Variants in WNK1 observed in about 807,000 individuals in gnomAD.
The protein encoded by WNK1 is serine/threonine-protein kinase WNK1.
Under a neutral mutation model 222.8 loss-of-function variants are expected in WNK1, and 38 were observed. The observed-to-expected ratio is 0.17, with a 90% CI of 0.13 to 0.22. The LOEUF is 0.22. WNK1 is among the 10% of genes least tolerant of loss of function. The pLI, the probability that WNK1 is intolerant of heterozygous loss-of-function variation, is 1.00. For missense variants in WNK1, 2,348 were observed against 2,918.4 expected, an observed-to-expected ratio of 0.80 and a Z score of 4.50; for synonymous variants, 1,090 against 1,092.9, an observed-to-expected ratio of 1.00 and a Z score of 0.05.
At chr12:894,382 A>G (rs1475905131) in intron 22 of WNK1, among the ~76,000 whole-genome samples, 180 bp from the exon 23 acceptor site, 1 of 152,210 alleles carries the variant, frequency 6.6e-6, no homozygotes, top group Non-Finnish European at 1.5e-5. Context: ...TAGTAGAGCA[A>G]ACAATAACTC....
chr12:820,228 T>A (rs1393832067), intron 2 of WNK1, among the ~76,000 whole-genome samples: 5 of 152,206 alleles, frequency 3.3e-5, no homozygotes, highest in African/African-American at 7.2e-5. Context: ...ATGTCTTTTT[T>A]AATTTCTTTC....
chr12:908,861 G>GGGGGGGGGGGGCCA lies in WNK1; in HGVS notation c.*69_*70insGGGGGGGGGGGCCA. ...ATGCTGAGGGGGTGGGTGGGGGTGG[G>GGGGGGGGGGGGCCA]AAGTAGCCTATATACTAACTACTAG... On this transcript the variant is annotated 3_prime_UTR_variant, in exon 28 of 28. Coordinates refer to ENST00000315939, the MANE Select transcript of WNK1 (RefSeq NM_018979.4). 1.4e-5 allele frequency: 7 copies of GGGGGGGGGGGGCCA among 491,840 alleles called. No homozygotes were observed. The highest frequency in any genetic ancestry group is 3.8e-4 in the Middle Eastern group (1 of 2,646). The allele number at this position is 491,840 out of a possible 1,614,324, so 30.5% of individuals were successfully genotyped here. A position where few individuals can be genotyped will look rare whatever the true frequency, so the allele number is the denominator to read the frequency against.
chr12:803,477 A>G (rs1318008265), intron 1 of WNK1, among the ~76,000 whole-genome samples: 1 of 152,238 alleles, frequency 6.6e-6, no homozygotes, highest in Non-Finnish European at 1.5e-5. Flanking sequence ...TATTTCATAG[A>G]AAATAATCTA....
chr12:887,635 C>G (rs1461852120), intron 20 of WNK1, among the ~76,000 whole-genome samples: 1 of 151,998 alleles, frequency 6.6e-6, no homozygotes, highest in Non-Finnish European at 1.5e-5. Context: ...AGCGAAATTG[C>G]GTATATAATC....
chr12:810,219 C>T (rs1019332537), intron 1 of WNK1, among the ~76,000 whole-genome samples: 2 of 151,708 alleles, frequency 1.3e-5, no homozygotes, highest in African/African-American at 4.8e-5. Context: ...TGCACTCCAG[C>T]CTGTGCGACA....
intron 1 of WNK1, among the ~76,000 whole-genome samples, chr12:797,743 C>T (rs779653500): frequency 1.9e-4 from 29 of 151,832 alleles, no homozygotes; most frequent in Non-Finnish European, 4.0e-4. Context: ...GTCAAGAGTT[C>T]GAGACGAGCC....
chr12:816,576 C>A (rs143610948), intron 2 of WNK1, among the ~76,000 whole-genome samples: 2 of 152,102 alleles, frequency 1.3e-5, no homozygotes, highest in African/African-American at 4.8e-5. Flanking sequence ...GCATGAGCCA[C>A]GGTGCCCAGC....
At chr12:815,589 A>G (rs920878602) in intron 2 of WNK1, among the ~76,000 whole-genome samples, 5 of 152,218 alleles carry the variant, frequency 3.3e-5, no homozygotes, top group Admixed American at 3.3e-4. Context: ...TATACCTAGT[A>G]CTATGAACAA....
At chr12:859,646 T>TTA (rs1565531974) in intron 6 of WNK1, among the ~76,000 whole-genome samples, 182 bp downstream of exon 6, 26 of 143,806 alleles carry the variant, frequency 1.8e-4, no homozygotes, top group Admixed American at 1.4e-4. Context: ...TTTTTTTTTT[T>TTA]AAACTTCTTT....
At chr12:821,334 G>A (rs755518590) in intron 2 of WNK1, among the ~76,000 whole-genome samples, 1 of 152,022 alleles carries the variant, frequency 6.6e-6, no homozygotes, top group African/African-American at 2.4e-5. Context: ...GGCAATACTG[G>A]CCTCACAGAA....
chr12:779,557 G>A (rs1318523221), intron 1 of WNK1, among the ~76,000 whole-genome samples: 4 of 151,686 alleles, frequency 2.6e-5, no homozygotes, highest in African/African-American at 7.3e-5. Context: ...GGTGCGCGCC[G>A]CACCTGGCTA....
intron 23 of WNK1, 77 bp from the exon 24 acceptor site, chr12:895,994 T>C: frequency 6.3e-7 from 1 of 1,590,098 alleles, no homozygotes; most frequent in Non-Finnish European, 8.6e-7. Flanking sequence ...TGATTCTTTT[T>C]TTCCTTTTTT....
intron 1 of WNK1, among the ~76,000 whole-genome samples, chr12:799,036 C>T (rs1167799915): frequency 6.6e-5 from 10 of 152,018 alleles, no homozygotes; most frequent in African/African-American, 2.4e-4. Flanking sequence ...TGTTGGAATT[C>T]TTGTAACAAC....
rs11064574 is a variant in WNK1 at position 859,569 on chromosome 12, T to C, written c.1620+105T>C. On this transcript the variant is annotated intron_variant, in intron 6 of 27. Transcript: ENST00000315939. ...GAAGTGCCGTGTGTGGCATATCCCA[T>C]TGACATAAAATTGTGATGGCCCTAA... 9.5e-4 allele frequency: 808 copies of C among 848,736 alleles called. 6 individuals carry two copies. In the African/African-American group the frequency reaches 0.012, roughly 13 times the overall value. The allele number at this position is 848,736 out of a possible 1,614,324, so 52.6% of individuals were successfully genotyped here. A position where few individuals can be genotyped will look rare whatever the true frequency, so the allele number is the denominator to read the frequency against.
At chr12:890,693 G>A (rs1163304082) in intron 22 of WNK1, among the ~76,000 whole-genome samples, 180 bp downstream of exon 22, 2 of 152,216 alleles carry the variant, frequency 1.3e-5, no homozygotes, top group Non-Finnish European at 2.9e-5. Context: ...TTATTTGTCA[G>A]AGGAAAGGTT....
chr12:897,604 G>A lies in WNK1; in HGVS notation c.6371G>A (p.Arg2124Lys). 6.2e-7 allele frequency: 1 copy of A among 1,614,174 alleles called. No homozygotes were observed. The highest frequency in any genetic ancestry group is 1.3e-5 in the African/African-American group (1 of 75,034). The change falls in exon 25 of 28, where the codon AGA (arginine) becomes AAA (lysine). Residue 2124 changes from arginine (R) to lysine (K), a missense_variant. By Grantham distance (26) the Arg-to-Lys change is conservative. Transcript: ENST00000315939. ...IPPAAPLSGR[R>K]RRPTKSKGSK... ...CCAGCTGCTCCCCTTTCAGGGAGAAGACGACGACCCACTAAAAGCAAAGGC... is the reference window on the plus strand; with the variant it reads ...CCAGCTGCTCCCCTTTCAGGGAGAAAACGACGACCCACTAAAAGCAAAGGC...
Position 890,114 on chromosome 12 carries a change from G to A in WNK1, c.5449-339G>A, listed in dbSNP as rs542061136. On this transcript the variant is annotated intron_variant, in intron 21 of 27. Transcript: ENST00000315939. ...ATTACAGGTGCCCGCCACCACACCC[G>A]GCTAATTTTTGTGTTTTTATTAGAG... Among the ~76,000 whole-genome samples, 12 of 151,856 alleles carry A rather than the reference G, an allele frequency of 7.9e-5. No individual in the cohort carries two copies. In the East Asian group the frequency reaches 1.2e-3, roughly 15 times the overall value.
intron 1 of WNK1, among the ~76,000 whole-genome samples, chr12:799,954 G>T (rs905780722): frequency 6.6e-6 from 1 of 152,062 alleles, no homozygotes; most frequent in Non-Finnish European, 1.5e-5. Context: ...CAAAGTGCTG[G>T]GATTACACCG....
chr12:788,377 T>G (rs980055887), intron 1 of WNK1, among the ~76,000 whole-genome samples: 8 of 152,178 alleles, frequency 5.3e-5, no homozygotes, highest in African/African-American at 1.7e-4. Flanking sequence ...GTCCATATTT[T>G]TAGTAAAATA....
Sources: allele counts gnomAD v4.1 joint callset (sites outside exome capture counted in the v4.1 genomes callset), GRCh38; gene constraint gnomAD v4.1.1; transcripts MANE v1.5; gene names NCBI Gene and HGNC (gene_info 2026-07-23, HGNC 2026-07-21).